STOX2: variants seen among roughly 807,000 people sequenced by gnomAD.
STOX2 encodes storkhead box 2.
Under a neutral mutation model 60.9 loss-of-function variants are expected in STOX2, and 28 were observed. The observed-to-expected ratio is 0.46, with a 90% CI of 0.34 to 0.63. The LOEUF is 0.63. Among genes scored for constraint, STOX2 ranks in the 30% least tolerant of loss-of-function variants. The probability of loss-of-function intolerance (pLI) is 0.01; values close to 1 mark genes in which losing one functional copy is unlikely to be tolerated. For synonymous variants in STOX2, 472 were observed against 463.9 expected (o/e 1.02, Z -0.22); for missense variants, 1,024 against 1,187.7 (o/e 0.86, Z 2.03).
chr4:183,926,451 C>A (rs935600852), intron 1 of STOX2, among the ~76,000 whole-genome samples: 2 of 152,272 alleles, frequency 1.3e-5, no homozygotes, highest in African/African-American at 2.4e-5. Context: ...ACACCCAATT[C>A]TCTGAGGTTG....
intron 1 of STOX2, among the ~76,000 whole-genome samples, chr4:183,927,751 A>G (rs986445125): frequency 6.6e-6 from 1 of 152,074 alleles, no homozygotes; most frequent in Non-Finnish European, 1.5e-5. Context: ...CATTCTAACA[A>G]TTGCCTTCTT....
rs1579327927 is a variant in STOX2 at position 183,845,735 on chromosome 4, A to T, written c.364+47680A>T. 3.3e-5 allele frequency among the ~76,000 whole-genome samples: 5 copies of T among 152,350 alleles called. No individual in the cohort carries two copies. In the South Asian group the frequency reaches 1.0e-3, roughly 32 times the overall value. ...CTGCAGATTTACAGTTCTCCTCTGC[A>T]TATGTGCTTTATTAAGTTACATCTT... On this transcript the variant is annotated intron_variant, in intron 1 of 2. Coordinates refer to the STOX2 transcript ENST00000513034.
chr4:184,010,951 A>T lies in STOX2; in HGVS notation c.2113A>T (p.Lys705Ter). The T allele has an allele frequency of 6.2e-7, 1 of 1,613,520 alleles. No homozygotes were observed. The highest frequency in any genetic ancestry group is 8.5e-7 in the Non-Finnish European group (1 of 1,179,662). Residue 705 changes from lysine to a stop codon, truncating the protein, a stop_gained, in exon 3 of 4, where the codon AAA (lysine) becomes TAA (stop). Transcript: ENST00000308497. LOFTEE classifies it high-confidence loss of function. This position sits in a 1 kb window ranked among gnomAD's most constrained non-coding sequence, Gnocchi z 4.5. ...GATATTTAGCAAAGACACACTGTTC[A>T]AACCTCTTCACAGCACCTTGTCTGT... ...KEIFSKDTLF[K>*]PLHSTLSVNS...
intron 1 of STOX2, among the ~76,000 whole-genome samples, chr4:183,804,315 C>T (rs1041099914): frequency 6.6e-6 from 1 of 152,324 alleles, no homozygotes; most frequent in Non-Finnish European, 1.5e-5. Flanking sequence ...GACTACTCGA[C>T]AGTACCTCAT....
chr4:183,974,553 G>A (rs1230505443), intron 1 of STOX2, among the ~76,000 whole-genome samples: 1 of 152,024 alleles, frequency 6.6e-6, no homozygotes, highest in South Asian at 2.1e-4. Flanking sequence ...GGAAGCTGGA[G>A]GGGCCATATT....
chr4:183,798,147 G>A, intron 1 of STOX2: 3 of 1,172,700 alleles, frequency 2.6e-6, no homozygotes, highest in East Asian at 3.5e-5. Context: ...GCCCCAGCCC[G>A]CCGCGGGCAC....
chr4:183,950,821 G>A (rs1329888649), intron 1 of STOX2, among the ~76,000 whole-genome samples: 1 of 152,184 alleles, frequency 6.6e-6, no homozygotes, highest in Non-Finnish European at 1.5e-5. Flanking sequence ...CAGGCTGGTA[G>A]GAGGGAGCAG....
intron 1 of STOX2, among the ~76,000 whole-genome samples, chr4:183,954,792 G>A (rs931698056): frequency 2.6e-5 from 4 of 152,120 alleles, no homozygotes; most frequent in Non-Finnish European, 4.4e-5. Flanking sequence ...AGGCCGCAGT[G>A]CAGTGGTGCG....
intron 1 of STOX2, among the ~76,000 whole-genome samples, chr4:183,944,851 A>G (rs776810542): frequency 2.6e-5 from 4 of 152,250 alleles, no homozygotes; most frequent in Non-Finnish European, 4.4e-5. Flanking sequence ...CTTCTGTATT[A>G]TAAGCCTATC....
At chr4:183,919,511 T>C (rs1742035630) in intron 1 of STOX2, among the ~76,000 whole-genome samples, 1 of 152,012 alleles carries the variant, frequency 6.6e-6, no homozygotes, top group African/African-American at 2.4e-5. Context: ...GCTTCCTACG[T>C]GATAGTGGAG....
At chr4:183,840,727 ACTTGCCAGAGCCC>A (rs1160982653) in intron 1 of STOX2, among the ~76,000 whole-genome samples, 30 of 152,332 alleles carry the variant, frequency 2.0e-4, no homozygotes, top group African/African-American at 7.0e-4. Context: ...CATATTTCAG[ACTTGCCAGAGCCC>A]CTCTTCAGTG....
At chr4:183,966,878 T>C (rs942542500) in intron 1 of STOX2, among the ~76,000 whole-genome samples, 1 of 152,254 alleles carries the variant, frequency 6.6e-6, no homozygotes, top group Non-Finnish European at 1.5e-5. Context: ...TATTATATAA[T>C]CTGTCATTAA....
chr4:183,995,196 C>T (rs1183848084), intron 1 of STOX2, among the ~76,000 whole-genome samples: 3 of 151,802 alleles, frequency 2.0e-5, no homozygotes, highest in Admixed American at 2.0e-4. Flanking sequence ...GTGCTGGTCT[C>T]CTGCGTGTGC....
At chr4:183,928,222 G>A (rs942004875) in intron 1 of STOX2, among the ~76,000 whole-genome samples, 3 of 152,230 alleles carry the variant, frequency 2.0e-5, no homozygotes, top group East Asian at 1.9e-4. Context: ...AGCCCTCGGG[G>A]GGGGGCATTT....
intron 1 of STOX2, among the ~76,000 whole-genome samples, chr4:183,848,936 C>G (rs1579330535): frequency 6.6e-6 from 1 of 152,196 alleles, no homozygotes; most frequent in Non-Finnish European, 1.5e-5. Flanking sequence ...GTTTCTGGCT[C>G]TGGCTCTTGC....
At chr4:183,879,386 G>C (rs1740903143) in intron 1 of STOX2, among the ~76,000 whole-genome samples, 1 of 152,216 alleles carries the variant, frequency 6.6e-6, no homozygotes, top group Non-Finnish European at 1.5e-5. Context: ...GTGGCTCTAT[G>C]CTGGCCTCAC....
chr4:183,823,273 G>C (rs1739344197), intron 1 of STOX2, among the ~76,000 whole-genome samples: 1 of 152,154 alleles, frequency 6.6e-6, no homozygotes, highest in Non-Finnish European at 1.5e-5. Context: ...GTGGATGCCT[G>C]TAGTCCCAGC....
In STOX2 at chr4:183,806,859, T is replaced by G. The variant is rs1579286645; in HGVS notation, c.364+8804T>G. Among the ~76,000 whole-genome samples the G allele has an allele frequency of 6.6e-6, 1 of 152,332 alleles. No individual in the cohort carries two copies. The highest frequency in any genetic ancestry group is 6.5e-5 in the Admixed American group (1 of 15,296). On this transcript the variant is annotated intron_variant, in intron 1 of 2. Coordinates refer to the STOX2 transcript ENST00000513034. This position sits in a 1 kb window ranked among gnomAD's most constrained non-coding sequence, Gnocchi z 4.1. ...CCAGGACATGCCCTTGTAAGGCAAGTGGTCTTCAGAGATTCCAGACTCCCC... is the reference window on the plus strand; with the variant it reads ...CCAGGACATGCCCTTGTAAGGCAAGGGGTCTTCAGAGATTCCAGACTCCCC...
chr4:183,987,531 A>G (rs967816334), intron 1 of STOX2: 4 of 150,096 alleles, frequency 2.7e-5, no homozygotes, highest in African/African-American at 9.9e-5. Context: ...GGAACCAGCC[A>G]CCCCCCAAAT....
Sources: gnomAD v4.1 joint callset for allele counts (sites outside exome capture counted in the v4.1 genomes callset) on GRCh38, gnomAD v4.1.1 for gene constraint, Gnocchi (gnomAD v3.1) non-coding constraint, MANE v1.5 for transcripts, NCBI Gene and HGNC (gene_info 2026-07-23, HGNC 2026-07-21) for gene names.